Variants in THSD7A observed in about 807,000 individuals in gnomAD.
The protein encoded by THSD7A is thrombospondin type-1 domain-containing protein 7A.
THSD7A carries 96 observed loss-of-function variants against 231.3 expected under a neutral mutation model. The observed-to-expected ratio is 0.41, with a 90% confidence interval of 0.35 to 0.49. THSD7A has a LOEUF of 0.49. Among genes scored for constraint, THSD7A ranks in the 20% least tolerant of loss-of-function variants. The pLI, the probability that THSD7A is intolerant of heterozygous loss-of-function variation, is 0.05. For missense variants in THSD7A, 2,290 were observed against 2,070.2 expected (o/e 1.11, Z -2.06); for synonymous variants, 940 against 743.3 (o/e 1.26, Z -4.30).
chr7:11,780,241 A>G (rs1299066483), intron 1 of THSD7A, among the ~76,000 whole-genome samples: 1 of 152,074 alleles, frequency 6.6e-6, no homozygotes, highest in African/African-American at 2.4e-5. Flanking sequence ...CAATGGGCCC[A>G]CCTTTTAATA....
At position 11,476,722 on chromosome 7, in the gene THSD7A, G is replaced by A. The variant is rs1044033039; in HGVS notation, c.2018-2154C>T. 2.6e-5 allele frequency among the ~76,000 whole-genome samples: 4 copies of A among 151,688 alleles called. No homozygotes were observed. In the South Asian group the frequency reaches 6.2e-4, roughly 24 times the overall value. ...CCCAGCTATTCAGGAGGCTGAGGCAGGAGAATCGCTTGAGCCTGGGAGGTG... is the reference window on the plus strand; with the variant it reads ...CCCAGCTATTCAGGAGGCTGAGGCAAGAGAATCGCTTGAGCCTGGGAGGTG... On this transcript the variant is annotated intron_variant, in intron 7 of 27. Coordinates refer to ENST00000423059, the MANE Select transcript of THSD7A (RefSeq NM_015204.3).
At chr7:11,469,475 G>T (rs1646851166) in intron 9 of THSD7A, among the ~76,000 whole-genome samples, 1 of 152,014 alleles carries the variant, frequency 6.6e-6, no homozygotes, top group African/African-American at 2.4e-5. Flanking sequence ...CTGCATAATT[G>T]AATCTGTAGC....
At chr7:11,635,405 A>G (rs1204716054) in intron 2 of THSD7A, among the ~76,000 whole-genome samples, 1 of 152,236 alleles carries the variant, frequency 6.6e-6, no homozygotes, top group African/African-American at 2.4e-5. Context: ...TGTCTTTCAG[A>G]TAATCCTCAA....
Position 11,636,978 on chromosome 7 carries a change from A to T in THSD7A, c.191-17T>A. ...CCCATGGACCTACAAAAATTATAACACAAAAATTAGCAGTGCTACTAGAAG... is the reference window on the plus strand; with the variant it reads ...CCCATGGACCTACAAAAATTATAACTCAAAAATTAGCAGTGCTACTAGAAG... On this transcript the variant is annotated splice_polypyrimidine_tract_variant and intron_variant, in intron 1 of 27. Transcript: ENST00000423059. The surrounding 1 kb of genome is among the most constrained non-coding windows in gnomAD (Gnocchi z 10.0). 1 of 1,586,958 alleles carries T rather than the reference A, an allele frequency of 6.3e-7. No homozygotes were observed. The highest frequency in any genetic ancestry group is 8.5e-7 in the Non-Finnish European group (1 of 1,169,670).
At chr7:11,534,334 C>T (rs986550267) in intron 6 of THSD7A, among the ~76,000 whole-genome samples, 9 of 152,104 alleles carry the variant, frequency 5.9e-5, no homozygotes, top group Admixed American at 1.3e-4. Context: ...AGAATGTGGA[C>T]GAAGTGATAT....
chr7:11,626,887 T>C (rs981054693), intron 2 of THSD7A, among the ~76,000 whole-genome samples: 1 of 152,140 alleles, frequency 6.6e-6, no homozygotes, highest in African/African-American at 2.4e-5. Context: ...TCAGTATAAA[T>C]GTATATTATC....
chr7:11,571,075 G>C (rs775182919), intron 4 of THSD7A, among the ~76,000 whole-genome samples: 2 of 152,118 alleles, frequency 1.3e-5, no homozygotes, highest in African/African-American at 2.4e-5. Context: ...TTTTCAATGG[G>C]CTCAGCTGCA....
chr7:11,402,099 A>G, intron 22 of THSD7A, 131 bp from the exon 23 acceptor site: 1 of 686,966 alleles, frequency 1.5e-6, no homozygotes, highest in Non-Finnish European at 2.3e-6. Context: ...TAAGATTTAA[A>G]TAAGCATTTA....
chr7:11,552,319 AAAAAAAATACAC>A (rs1286507960), intron 4 of THSD7A, among the ~76,000 whole-genome samples: 1 of 151,948 alleles, frequency 6.6e-6, no homozygotes, highest in Non-Finnish European at 1.5e-5. Context: ...TAAAAGTTAG[AAAAAAAATACAC>A]ACACACTCCC....
chr7:11,589,769 C>A (rs568329073), intron 4 of THSD7A, among the ~76,000 whole-genome samples: 6 of 152,214 alleles, frequency 3.9e-5, no homozygotes, highest in East Asian at 1.9e-4. Context: ...TGTACTAATT[C>A]AATATACACT....
chr7:11,616,785 G>A (rs1292784513), intron 2 of THSD7A, among the ~76,000 whole-genome samples: 9 of 152,074 alleles, frequency 5.9e-5, no homozygotes, highest in Non-Finnish European at 1.2e-4. Context: ...GGCACATCCT[G>A]TAGCTTTTCC....
chr7:11,672,407 C>G (rs1783429092), intron 1 of THSD7A, among the ~76,000 whole-genome samples: 1 of 151,868 alleles, frequency 6.6e-6, no homozygotes, highest in Non-Finnish European at 1.5e-5. Flanking sequence ...TTAAATTATA[C>G]CTTTCACTCT....
intron 24 of THSD7A, among the ~76,000 whole-genome samples, chr7:11,381,606 A>G (rs555787888): frequency 6.6e-6 from 1 of 152,308 alleles, no homozygotes; most frequent in South Asian, 2.1e-4. Context: ...GCAAGTAAGC[A>G]GGTCTGCCTG....
intron 4 of THSD7A, among the ~76,000 whole-genome samples, chr7:11,549,940 CCA>C (rs1789556625): frequency 6.6e-6 from 1 of 151,962 alleles, no homozygotes; most frequent in Non-Finnish European, 1.5e-5. Context: ...AAATGAATGC[CCA>C]CTCTCACCAC....
chr7:11,820,443 C>T, intron 1 of THSD7A: 1 of 1,316,346 alleles, frequency 7.6e-7, no homozygotes, highest in South Asian at 1.7e-5. Context: ...TGCTTGATTT[C>T]CAGAACATGA....
At chr7:11,532,512 C>T (rs1246095716) in intron 6 of THSD7A, among the ~76,000 whole-genome samples, 1 of 152,018 alleles carries the variant, frequency 6.6e-6, no homozygotes, top group Admixed American at 6.6e-5. Flanking sequence ...AATCATTTGC[C>T]ATAATTCTCC....
Position 11,636,175 on chromosome 7 carries a change from C to G in THSD7A, c.977G>C (p.Arg326Thr). Residue 326 changes from arginine to threonine, a missense_variant, in exon 2 of 28, where the codon AGA becomes ACA. Arg to Thr is a moderately conservative substitution (Grantham distance 71). Coordinates refer to ENST00000423059, the MANE Select transcript of THSD7A (RefSeq NM_015204.3). The surrounding 1 kb of genome is among the most constrained non-coding windows in gnomAD (Gnocchi z 10.0). ...YWDIQIGYQT[R>T]EVMCINKTGK... Reference sequence around the variant, plus strand: ...CGTCTTGTTAATGCACATAACCTCTCTGGTCTGATATCCAATCTGGATGTC... The same window carrying G: ...CGTCTTGTTAATGCACATAACCTCTGTGGTCTGATATCCAATCTGGATGTC... The G allele has an allele frequency of 1.2e-6, 2 of 1,613,962 alleles. No individual in the cohort carries two copies. Among genetic ancestry groups the G allele is most frequent in the African/African-American group, 1.3e-5 (1 of 75,022 alleles).
At chr7:11,608,244 T>C (rs1013186378) in intron 2 of THSD7A, among the ~76,000 whole-genome samples, 2 of 152,192 alleles carry the variant, frequency 1.3e-5, no homozygotes, top group African/African-American at 4.8e-5. Context: ...AGCTATTTTT[T>C]AGCATTATGG....
At chr7:11,648,199 G>T (rs538635091) in intron 1 of THSD7A, among the ~76,000 whole-genome samples, 1 of 152,018 alleles carries the variant, frequency 6.6e-6, no homozygotes, top group African/African-American at 2.4e-5. Flanking sequence ...GCTCTGTCCC[G>T]TGGGAGGATT....
Sources: gnomAD v4.1 joint callset for allele counts (sites outside exome capture counted in the v4.1 genomes callset) on GRCh38, gnomAD v4.1.1 for gene constraint, Gnocchi (gnomAD v3.1) non-coding constraint, MANE v1.5 for transcripts, NCBI Gene and HGNC (gene_info 2026-07-23, HGNC 2026-07-21) for gene names.